RSL1D1: variants seen among roughly 807,000 people sequenced by gnomAD.
The protein encoded by RSL1D1 is ribosomal L1 domain-containing protein 1.
Under a neutral mutation model 44.6 loss-of-function variants are expected in RSL1D1, and 34 were observed. That is an observed-to-expected ratio of 0.76 (90% CI 0.58 to 1.02). RSL1D1 has a LOEUF of 1.02. Among genes scored for constraint, RSL1D1 ranks in the 50% least tolerant of loss-of-function variants. RSL1D1 has a pLI of 0.00. For missense variants in RSL1D1, 767 were observed against 568.1 expected, an observed-to-expected ratio of 1.35 and a Z score of -3.56; for synonymous variants, 271 against 207.4, an observed-to-expected ratio of 1.31 and a Z score of -2.63.
Position 11,837,040 on chromosome 16 carries a change from C to G in RSL1D1, c.*747G>C, listed in dbSNP as rs774765282. 3 of 152,196 alleles carry G rather than the reference C, an allele frequency of 2.0e-5. No individual in the cohort carries two copies. Among genetic ancestry groups the G allele is most frequent in the African/African-American group, 7.2e-5 (3 of 41,438 alleles). The allele number at this position is 152,196 out of a possible 1,614,324, so 9.4% of individuals were successfully genotyped here. The stretch of plus-strand genomic sequence containing the variant: ...CCAGGCTACAGCACAGTGGGGTGAT[C>G]GTGGCTCACTGGAGCCTCAACCTCT... On this transcript the variant is annotated 3_prime_UTR_variant, in exon 9 of 9. Coordinates refer to ENST00000571133, the MANE Select transcript of RSL1D1 (RefSeq NM_015659.3).
At chr16:11,839,397 A>G (rs1016536197) in intron 8 of RSL1D1, among the ~76,000 whole-genome samples, 165 of 135,612 alleles carry the variant, frequency 1.2e-3, no homozygotes, top group Admixed American at 2.8e-3. Flanking sequence ...AAAAAAAAAA[A>G]GCCAACCGGT....
In RSL1D1 at chr16:11,840,097, C is replaced by T. The variant is rs976608294; in HGVS notation, c.856-112G>A. 3.5e-5 allele frequency: 50 copies of T among 1,437,144 alleles called. No homozygotes were observed. The African/African-American group carries it at 4.8e-4, about 14-fold the overall frequency. The allele number at this position is 1,437,144 out of a possible 1,614,324, so 89.0% of individuals were successfully genotyped here. ...TATCCATAAGCCCCTAAATGGACCT[C>T]GATCTATACAGAGAACAAACTCCCT... is the stretch of plus-strand genomic sequence containing the variant. On this transcript the variant is annotated intron_variant, in intron 7 of 8. Transcript: ENST00000571133.
At position 11,841,985 on chromosome 16, in the gene RSL1D1, A is replaced by T. The variant is rs778792350; in HGVS notation, c.651T>A (p.Gly217=). Residue 217 remains glycine, a synonymous_variant, in exon 6 of 9, where the codon GGT becomes GGA. Transcript: ENST00000571133. The part of the protein sequence containing the change: ...KSGSCSAIRI[G]HVGMQIEHII... ...TGTGCTCAATTTGCATTCCAACGTG[A>T]CCAATACGTATAGCACTGAAATTTA... The T allele has an allele frequency of 6.2e-7, 1 of 1,613,074 alleles. No individual in the cohort carries two copies. The highest frequency in any genetic ancestry group is 1.1e-5 in the South Asian group (1 of 90,878).
chr16:11,842,761 CT>C (rs557316201), intron 5 of RSL1D1, among the ~76,000 whole-genome samples: 240 of 136,928 alleles, frequency 1.8e-3, no homozygotes, highest in Non-Finnish European at 1.7e-3. Context: ...GAAGGGGTGA[CT>C]TTTTTTTTTT....
chr16:11,838,335 G>C (rs995589587), intron 8 of RSL1D1, among the ~76,000 whole-genome samples: 1 of 151,734 alleles, frequency 6.6e-6, no homozygotes, highest in African/African-American at 2.4e-5. Flanking sequence ...CTCATTTTTT[G>C]TATTTTTAGT....
rs1291326747 is a variant in RSL1D1, at chr16:11,835,286, A to G, written c.*2501T>C. The G allele has an allele frequency of 6.6e-6, 1 of 151,168 alleles. No homozygotes were observed. Among genetic ancestry groups the G allele is most frequent in the Non-Finnish European group, 1.5e-5 (1 of 68,028 alleles). 9.4% of individuals were successfully genotyped at this position (151,168 alleles called of 1,614,324 possible). ...AACCTCCACCTCCCGGGTTAAAGTG[A>G]TTCTCCTGCTTCAGCCTCCCAAGTA... On this transcript the variant is annotated 3_prime_UTR_variant, in exon 9 of 9. Coordinates refer to ENST00000571133, the MANE Select transcript of RSL1D1 (RefSeq NM_015659.3).
intron 5 of RSL1D1, among the ~76,000 whole-genome samples, chr16:11,844,916 T>C (rs1304451074): frequency 6.6e-6 from 1 of 152,224 alleles, no homozygotes; most frequent in African/African-American, 2.4e-5. Flanking sequence ...TAAAATAGCC[T>C]GAACCGCATC....
intron 5 of RSL1D1, among the ~76,000 whole-genome samples, chr16:11,843,516 G>C (rs879940539): frequency 4.6e-5 from 7 of 151,984 alleles, no homozygotes; most frequent in Non-Finnish European, 8.8e-5. Flanking sequence ...CTACCTCCAG[G>C]AGGGTCACCT....
chr16:11,851,218 G>C (rs1240152458), intron 1 of RSL1D1, 190 bp downstream of exon 1: 3 of 646,976 alleles, frequency 4.6e-6, no homozygotes, highest in Admixed American at 2.3e-5. Context: ...GCGCCAGGCC[G>C]CAGGACCAGG....
intron 2 of RSL1D1, among the ~76,000 whole-genome samples, chr16:11,848,584 G>A (rs895362941): frequency 5.9e-5 from 9 of 152,064 alleles, no homozygotes; most frequent in African/African-American, 2.2e-4. Context: ...CAGTGCAGTG[G>A]TGTGATCATA....
intron 2 of RSL1D1, among the ~76,000 whole-genome samples, chr16:11,849,977 G>A (rs185368270): frequency 6.6e-6 from 1 of 152,188 alleles, no homozygotes; most frequent in Admixed American, 6.5e-5. Context: ...ACAGGCACCC[G>A]CCATCATGCC....
intron 1 of RSL1D1, among the ~76,000 whole-genome samples, chr16:11,850,777 A>C (rs1489514669): frequency 6.6e-6 from 1 of 152,234 alleles, no homozygotes; most frequent in Non-Finnish European, 1.5e-5. Context: ...TTTAGCATTT[A>C]CTGAGAACTC....
At position 11,837,885 on chromosome 16, in the gene RSL1D1, C is replaced by T. The variant is rs756615378; in HGVS notation, c.1375G>A (p.Glu459Lys). 1.2e-6 allele frequency: 2 copies of T among 1,614,106 alleles called. No individual in the cohort carries two copies. The highest frequency in any genetic ancestry group is 1.7e-6 in the Non-Finnish European group (2 of 1,180,036). ...CTAGGAGTGGTGAAAAACTTGGCCTCTGGCTTTTTTGGAGTCTGTCTCGCA... is the reference window on the plus strand; with the variant it reads ...CTAGGAGTGGTGAAAAACTTGGCCTTTGGCTTTTTTGGAGTCTGTCTCGCA... Reference protein sequence around the residue: ...KDARQTPKKPEAKFFTTPSKS... With the variant: ...KDARQTPKKPKAKFFTTPSKS... The change falls in exon 9 of 9, where the codon GAG becomes AAG. Residue 459 changes from glutamate to lysine, a missense_variant. Physicochemically the swap from Glu to Lys is moderately conservative, Grantham distance 56. Transcript: ENST00000571133.
Position 11,834,886 on chromosome 16 carries a change from G to A in RSL1D1, c.*2901C>T, listed in dbSNP as rs1176214952. The A allele has an allele frequency of 6.6e-6, 1 of 152,246 alleles. No individual in the cohort carries two copies. The highest frequency in any genetic ancestry group is 1.5e-5 in the Non-Finnish European group (1 of 68,048). 9.4% of individuals were successfully genotyped at this position (152,246 alleles called of 1,614,324 possible). ...CTGAACATTTTGGGAGGCTGAGGCA[G>A]GAGGACTTGAGCCCAGGAGTTCGAG... is the stretch of plus-strand genomic sequence containing the variant. On this transcript the variant is annotated 3_prime_UTR_variant, in exon 9 of 9. Coordinates refer to ENST00000571133, the MANE Select transcript of RSL1D1 (RefSeq NM_015659.3).
At chr16:11,843,149 G>C (rs1373127776) in intron 5 of RSL1D1, among the ~76,000 whole-genome samples, 1 of 150,128 alleles carries the variant, frequency 6.7e-6, no homozygotes, top group East Asian at 2.0e-4. Flanking sequence ...TGGTCAGGCT[G>C]GTCTCAAACT....
chr16:11,845,726 T>TC (rs1450268195), intron 5 of RSL1D1, among the ~76,000 whole-genome samples: 1 of 152,020 alleles, frequency 6.6e-6, no homozygotes, highest in African/African-American at 2.4e-5. Flanking sequence ...ACTGAACTTT[T>TC]TTTTTTTTTC....
Position 11,851,525 on chromosome 16 carries a change from T to G in RSL1D1, c.-13A>C. On this transcript the variant is annotated 5_prime_UTR_variant, in exon 1 of 9. Coordinates refer to ENST00000571133, the MANE Select transcript of RSL1D1 (RefSeq NM_015659.3). ...CCGAATCCTCCATCTTGTTTCCACCTCGTGAAGAGGCGCGTGTGCAACCCC... is the reference window on the plus strand; with the variant it reads ...CCGAATCCTCCATCTTGTTTCCACCGCGTGAAGAGGCGCGTGTGCAACCCC... 2 of 1,612,172 alleles carry G rather than the reference T, an allele frequency of 1.2e-6. No homozygotes were observed. The highest frequency in any genetic ancestry group is 1.7e-6 in the Non-Finnish European group (2 of 1,179,352).
intron 8 of RSL1D1, 112 bp downstream of exon 8, chr16:11,839,583 G>T: frequency 7.4e-7 from 1 of 1,342,924 alleles, no homozygotes; most frequent in Non-Finnish European, 9.9e-7. Flanking sequence ...CACCTTCACA[G>T]TTCTTTGGGT....
rs570965386 is a variant in RSL1D1, at chr16:11,846,758, G to C, written c.470C>G (p.Thr157Ser). The C allele has an allele frequency of 2.5e-6, 4 of 1,613,962 alleles. No homozygotes were observed. In the Admixed American group the frequency reaches 6.7e-5, roughly 27 times the overall value. ...TAAGAGCCGCCTAATTCTGGCATCAGTAAGGAAGAAATCAAAACTGCTCAG... is the reference window on the plus strand; with the variant it reads ...TAAGAGCCGCCTAATTCTGGCATCACTAAGGAAGAAATCAAAACTGCTCAG... ...RLLSSFDFFL[T>S]DARIRRLLPS... Residue 157 changes from threonine to serine, a missense_variant, in exon 4 of 9, where the codon ACT becomes AGT. Transcript: ENST00000571133.
Sources: gnomAD v4.1 joint callset for allele counts (sites outside exome capture counted in the v4.1 genomes callset) on GRCh38, gnomAD v4.1.1 for gene constraint, MANE v1.5 for transcripts, NCBI Gene and HGNC (gene_info 2026-07-23, HGNC 2026-07-21) for gene names.